The following PRUNE2 variants were observed in gnomAD, a reference collection of about 807,000 sequenced individuals.
The protein encoded by PRUNE2 is protein prune homolog 2.
PRUNE2 carries 164 observed loss-of-function variants against 252.0 expected under a neutral mutation model. That is an observed-to-expected ratio of 0.65 (90% CI 0.57 to 0.74). PRUNE2 has a LOEUF of 0.74. Ranked by LOEUF, PRUNE2 falls within the 30% of genes least tolerant of loss-of-function variation. PRUNE2 has a pLI of 0.00. For missense variants in PRUNE2, 3,495 were observed against 3,711.0 expected, an observed-to-expected ratio of 0.94 and a Z score of 1.51; for synonymous variants, 1,292 against 1,350.2, an observed-to-expected ratio of 0.96 and a Z score of 0.94.
At position 76,706,927 on chromosome 9, in the gene PRUNE2, C is replaced by T; in HGVS notation, c.5347G>A (p.Glu1783Lys). 6.2e-7 allele frequency: 1 copy of T among 1,609,092 alleles called. No homozygotes were observed. The highest frequency in any genetic ancestry group is 1.7e-5 in the Admixed American group (1 of 59,438). The change falls in exon 8 of 19, where the codon GAG (glutamate) becomes AAG (lysine). Residue 1783 changes from glutamate (E) to lysine (K), a missense_variant. By Grantham distance (56) the Glu-to-Lys change is moderately conservative. Transcript: ENST00000376718. ...TCTGGAGAAGATCTCTTCTCCTTCT[C>T]CACTGCTGTAATCTGCATTTCAGTC... ...TETEMQITAV[E>K]KEKRSSPETG...
chr9:76,812,321 T>C (rs891401723), intron 6 of PRUNE2, among the ~76,000 whole-genome samples: 1 of 152,218 alleles, frequency 6.6e-6, no homozygotes, highest in African/African-American at 2.4e-5. Flanking sequence ...TAATTTTATT[T>C]GTCCTTTAAA....
At chr9:76,763,274 C>G (rs78892522) in intron 6 of PRUNE2, among the ~76,000 whole-genome samples, 3,525 of 152,282 alleles carry the variant, frequency 0.023, 61 homozygotes, top group Middle Eastern at 0.027. Flanking sequence ...CATAGCAGGA[C>G]TACTGGTGTC....
intron 12 of PRUNE2, chr9:76,642,001 T>TAAAAAAAAAAAAAAAAGAA: frequency 3.0e-6 from 3 of 1,010,456 alleles, no homozygotes; most frequent in East Asian, 2.8e-5. Flanking sequence ...ATAAGAGAAG[T>TAAAAAAAAAAAAAAAAGAA]AAAAAAAAAA....
At chr9:76,661,265 T>C (rs1163416071) in intron 9 of PRUNE2, among the ~76,000 whole-genome samples, 1 of 152,212 alleles carries the variant, frequency 6.6e-6, no homozygotes, top group Non-Finnish European at 1.5e-5. Flanking sequence ...TTATTGTTAG[T>C]ATTTTTTGGT....
chr9:76,673,023 A>G (rs2041822158), intron 9 of PRUNE2, among the ~76,000 whole-genome samples: 1 of 151,396 alleles, frequency 6.6e-6, no homozygotes, highest in South Asian at 2.1e-4. Context: ...CACATTCAAA[A>G]GCTAGCAGAA....
chr9:76,704,074 C>T lies in PRUNE2; in HGVS notation c.7539G>A (p.Leu2513=), dbSNP rs773821818. The change falls in exon 9 of 19, where the codon TTG becomes TTA. Residue 2513 remains leucine (L), a synonymous_variant. Coordinates refer to ENST00000376718, the MANE Select transcript of PRUNE2 (RefSeq NM_015225.3). The stretch of plus-strand genomic sequence containing the variant: ...TGGTAGGAATTGTTTTTTCTTCTTC[C>T]AATTCTGATATTTCCTTGCTGGCAC... ...PNGASKEISE[L]EEEKTIPTKE... The T allele has an allele frequency of 6.3e-7, 1 of 1,598,370 alleles. No homozygotes were observed. The highest frequency in any genetic ancestry group is 8.5e-7 in the Non-Finnish European group (1 of 1,174,156).
In PRUNE2 at chr9:76,897,397, T is replaced by A. The variant is rs2062895552; in HGVS notation, c.36+8531A>T. Among the ~76,000 whole-genome samples the A allele has an allele frequency of 2.7e-5, 2 of 73,260 alleles. 1 individual carries two copies. The highest frequency in any genetic ancestry group is 5.0e-5 in the Non-Finnish European group (2 of 39,938). The allele number at this position is 73,260 out of a possible 152,430, so 48.1% of individuals were successfully genotyped here. On this transcript the variant is annotated intron_variant, in intron 1 of 18. Transcript: ENST00000376718. ...GCAACCTTAGGCAAACCTCTTTTTT[T>A]TTTTTTTTTTTTTTTTTTTTTTTTT...
In PRUNE2 at chr9:76,708,481, G is replaced by C. The variant is rs756645273; in HGVS notation, c.3793C>G (p.Pro1265Ala). 2 of 1,613,960 alleles carry C rather than the reference G, an allele frequency of 1.2e-6. No individual in the cohort carries two copies. The highest frequency in any genetic ancestry group is 2.2e-5 in the South Asian group (2 of 91,070). The change falls in exon 8 of 19, where the codon CCA (proline) becomes GCA (alanine). Residue 1265 changes from proline to alanine, a missense_variant. Physicochemically the swap from Pro to Ala is conservative, Grantham distance 27. Coordinates refer to ENST00000376718, the MANE Select transcript of PRUNE2 (RefSeq NM_015225.3). The part of the protein sequence containing the change: ...HSANVKDTHS[P>A]DAPAASGTSE... ...GTTCCAGAGGCTGCTGGCGCATCTG[G>C]GGAATGAGTGTCTTTAACATTTGCT...
At chr9:76,801,425 A>T (rs1175161025) in intron 6 of PRUNE2, among the ~76,000 whole-genome samples, 4 of 152,194 alleles carry the variant, frequency 2.6e-5, no homozygotes, top group African/African-American at 9.6e-5. Context: ...GTAATAGAAA[A>T]TTAATTGGCA....
intron 6 of PRUNE2, among the ~76,000 whole-genome samples, chr9:76,761,754 G>T (rs2051752902): frequency 6.6e-6 from 1 of 152,160 alleles, no homozygotes; most frequent in Admixed American, 6.5e-5. Flanking sequence ...TGATTGACTT[G>T]AGAATATTAA....
intron 11 of PRUNE2, among the ~76,000 whole-genome samples, chr9:76,647,233 C>A (rs1845287042): frequency 6.6e-6 from 1 of 152,164 alleles, no homozygotes; most frequent in Non-Finnish European, 1.5e-5. Flanking sequence ...ACACATATCA[C>A]ATAAATATAG....
At chr9:76,645,184 G>A in intron 11 of PRUNE2, 5 of 326,286 alleles carry the variant, frequency 1.5e-5, no homozygotes, top group Non-Finnish European at 2.3e-5. Context: ...GAGACTAGGT[G>A]CAAAACTTAA....
In PRUNE2 at chr9:76,644,919, A is replaced by G. The variant is rs1424825634; in HGVS notation, c.8558-10T>C. 6 of 1,612,164 alleles carry G rather than the reference A, an allele frequency of 3.7e-6. No individual in the cohort carries two copies. The highest frequency in any genetic ancestry group is 4.2e-6 in the Non-Finnish European group (5 of 1,179,078). On this transcript the variant is annotated splice_polypyrimidine_tract_variant and intron_variant, in intron 11 of 18. Transcript: ENST00000376718. ...TTGTTGGCTGTGGGATCTTCTGGAA[A>G]CAAAGCACAGAGCAAGGCTGAAGGA...
At chr9:76,766,424 T>C (rs2052398134) in intron 6 of PRUNE2, among the ~76,000 whole-genome samples, 1 of 152,152 alleles carries the variant, frequency 6.6e-6, no homozygotes, top group Non-Finnish European at 1.5e-5. Flanking sequence ...TCTTTTCTTA[T>C]GTCTTTAACG....
intron 6 of PRUNE2, among the ~76,000 whole-genome samples, chr9:76,807,477 C>T (rs2057048652): frequency 2.0e-5 from 3 of 152,086 alleles, no homozygotes; most frequent in Admixed American, 2.0e-4. Flanking sequence ...GTATTTCACA[C>T]CATGATATAA....
intron 4 of PRUNE2, among the ~76,000 whole-genome samples, chr9:76,829,333 A>C (rs981419505): frequency 6.6e-6 from 1 of 152,186 alleles, no homozygotes; most frequent in African/African-American, 2.4e-5. Context: ...CAAATCTAAC[A>C]GAAGTTTAAC....
chr9:76,619,953 GC>G, intron 17 of PRUNE2, among the ~76,000 whole-genome samples: 1 of 152,302 alleles, frequency 6.6e-6, no homozygotes, highest in East Asian at 1.9e-4. Flanking sequence ...AACTGAGTAT[GC>G]CCAGAAAACA....
In PRUNE2 at chr9:76,793,707, T is replaced by G. The variant is rs376267648; in HGVS notation, c.756+29925A>C. 3.4e-4 allele frequency among the ~76,000 whole-genome samples: 51 copies of G among 152,172 alleles called. No individual in the cohort carries two copies. The East Asian group carries it at 7.3e-3, about 22-fold the overall frequency. ...TCAAGAGGTCACACACATCTAATTT[T>G]CAGCCCTGTTCCTACACCCTGCCCA... On this transcript the variant is annotated intron_variant, in intron 6 of 18. Coordinates refer to ENST00000376718, the MANE Select transcript of PRUNE2 (RefSeq NM_015225.3).
rs1391636538 is a variant in PRUNE2, at chr9:76,879,878, C to CATATATATATATATATATATATATATAT, written c.37-25671_37-25670insATATATATATATATATATATATATATAT. Among the ~76,000 whole-genome samples, 4 of 75,384 alleles carry CATATATATATATATATATATATATATAT rather than the reference C, an allele frequency of 5.3e-5. 1 individual carries two copies. Among genetic ancestry groups the CATATATATATATATATATATATATATAT allele is most frequent in the African/African-American group, 2.7e-4 (4 of 14,782 alleles). The allele number at this position is 75,384 out of a possible 152,430, so 49.5% of individuals were successfully genotyped here. ...TCAGTTCTGTAAGAAAGAGGCCTGT[C>CATATATATATATATATATATATATATAT]ATATATATATATATATATATATATA... On this transcript the variant is annotated intron_variant, in intron 1 of 18. Transcript: ENST00000376718.
Sources: gnomAD v4.1 joint callset for allele counts (sites outside exome capture counted in the v4.1 genomes callset) on GRCh38, gnomAD v4.1.1 for gene constraint, MANE v1.5 for transcripts, NCBI Gene and HGNC (gene_info 2026-07-23, HGNC 2026-07-21) for gene names.